The following KIFC1 variants were observed in gnomAD, a reference collection of about 807,000 sequenced individuals.
KIFC1 encodes kinesin-like protein KIFC1.
A neutral mutation model predicts 66.6 loss-of-function variants in KIFC1; 37 were observed. The ratio of observed to expected loss-of-function variants is 0.56; its 90% CI spans 0.43 to 0.73. KIFC1 has a LOEUF of 0.73. KIFC1 is among the 30% of genes least tolerant of loss of function. The pLI is 0.00. For synonymous variants in KIFC1, 325 were observed against 343.5 expected (o/e 0.95, Z 0.60); for missense variants, 721 against 859.8 (o/e 0.84, Z 2.02).
At position 33,405,672 on chromosome 6, in the gene KIFC1, G is replaced by A. The variant is rs1775611602; in HGVS notation, c.1536+41G>A. On this transcript the variant is annotated intron_variant, in intron 7 of 10. Coordinates refer to ENST00000428849, the MANE Select transcript of KIFC1 (RefSeq NM_002263.4). The surrounding 1 kb of genome is among the most constrained non-coding windows in gnomAD (Gnocchi z 5.4). ...CACTGGAACTGGGAAATGGGGAGGA[G>A]TGGGCAGGGTGCCACGAGATGGAGG... 1.4e-6 allele frequency: 2 copies of A among 1,463,272 alleles called. No homozygotes were observed. Among genetic ancestry groups the A allele is most frequent in the Non-Finnish European group, 1.8e-6 (2 of 1,109,544 alleles). The allele number at this position is 1,463,272 out of a possible 1,614,324, so 90.6% of individuals were successfully genotyped here.
In KIFC1 at chr6:33,409,714, T is replaced by TGTGTG; in HGVS notation, c.*25_*29dup. The TGTGTG allele has an allele frequency of 1.3e-6, 1 of 774,196 alleles. No homozygotes were observed. Among genetic ancestry groups the TGTGTG allele is most frequent in the East Asian group, 3.5e-5 (1 of 28,244 alleles). 48.0% of individuals were successfully genotyped at this position (774,196 alleles called of 1,614,324 possible). On this transcript the variant is annotated 3_prime_UTR_variant, in exon 11 of 11. Coordinates refer to ENST00000428849, the MANE Select transcript of KIFC1 (RefSeq NM_002263.4). Reference sequence around the variant, plus strand: ...GAAGACGGATCCAGATCTGTGTGTGTGTGTGTGTGTGTGTGTGTGTGTGTG... The same window carrying TGTGTG: ...GAAGACGGATCCAGATCTGTGTGTGTGTGTGGTGTGTGTGTGTGTGTGTGTGTGTG...
Position 33,409,654 on chromosome 6 carries a change from G to C in KIFC1, c.1986G>C (p.Gln662His). The change falls in exon 11 of 11, where the codon CAG becomes CAC. Residue 662 changes from glutamine to histidine, a missense_variant. Gln to His is a conservative substitution (Grantham distance 24). Coordinates refer to ENST00000428849, the MANE Select transcript of KIFC1 (RefSeq NM_002263.4). ...NSLRFASKVNQCVIGTAQANR... is the reference protein window; with the variant it reads ...NSLRFASKVNHCVIGTAQANR... ...TAACCCCCTGCCCCCAGGTGAACCA[G>C]TGTGTTATTGGTACTGCTCAGGCCA... 6.2e-7 allele frequency: 1 copy of C among 1,613,142 alleles called. No homozygotes were observed. Among genetic ancestry groups the C allele is most frequent in the Non-Finnish European group, 8.5e-7 (1 of 1,179,726 alleles).
chr6:33,408,991 AC>A (rs1775776585), intron 10 of KIFC1, among the ~76,000 whole-genome samples: 4 of 151,946 alleles, frequency 2.6e-5, no homozygotes, highest in Non-Finnish European at 5.9e-5. Context: ...ACACGGTGAA[AC>A]CCCGTCTCTA....
rs757367487 is a variant in KIFC1 at position 33,409,735 on chromosome 6, G to A, written c.*45G>A. The stretch of plus-strand genomic sequence containing the variant: ...TGTGTGTGTGTGTGTGTGTGTGTGT[G>A]TGTGTGTGTGTGTGTGTGTCCCTAT... On this transcript the variant is annotated 3_prime_UTR_variant, in exon 11 of 11. Transcript: ENST00000428849. 4.4e-6 allele frequency: 6 copies of A among 1,362,110 alleles called. No individual in the cohort carries two copies. Among genetic ancestry groups the A allele is most frequent in the African/African-American group, 1.4e-5 (1 of 70,748 alleles). The allele number at this position is 1,362,110 out of a possible 1,614,324, so 84.4% of individuals were successfully genotyped here.
Position 33,406,053 on chromosome 6 carries a change from T to G in KIFC1, c.1537-143T>G, listed in dbSNP as rs367634845. ...CTATTCTATGTATTCCTTACCATTT[T>G]CAGACATACTGTGCATCTTATTTTG... On this transcript the variant is annotated intron_variant, in intron 7 of 10. Coordinates refer to ENST00000428849, the MANE Select transcript of KIFC1 (RefSeq NM_002263.4). The surrounding 1 kb of genome is among the most constrained non-coding windows in gnomAD (Gnocchi z 4.5). 5.2e-6 allele frequency: 4 copies of G among 762,144 alleles called. No individual in the cohort carries two copies. The East Asian group carries it at 1.1e-4, about 20-fold the overall frequency. 47.2% of individuals were successfully genotyped at this position (762,144 alleles called of 1,614,324 possible). A position where few individuals can be genotyped will look rare whatever the true frequency, so the allele number is the denominator to read the frequency against.
At chr6:33,408,639 T>G (rs1775760281) in intron 10 of KIFC1, among the ~76,000 whole-genome samples, 1 of 152,256 alleles carries the variant, frequency 6.6e-6, no homozygotes, top group Admixed American at 6.5e-5. Context: ...TTATTGATTT[T>G]CAGTATTGAG....
Position 33,405,061 on chromosome 6 carries a change from G to C in KIFC1, c.966G>C (p.Pro322=), listed in dbSNP as rs116903030. The change falls in exon 7 of 11, where the codon CCG becomes CCC. Residue 322 remains proline, a synonymous_variant. Coordinates refer to ENST00000428849, the MANE Select transcript of KIFC1 (RefSeq NM_002263.4). The surrounding 1 kb of genome is among the most constrained non-coding windows in gnomAD (Gnocchi z 5.4). The part of the protein sequence containing the change: ...RVFCRVRPVL[P]GEPTPPPGLL... ...TCTGCCGGGTCCGCCCTGTCCTGCCGGGGGAGCCCACTCCACCCCCTGGCC... is the reference window on the plus strand; with the variant it reads ...TCTGCCGGGTCCGCCCTGTCCTGCCCGGGGAGCCCACTCCACCCCCTGGCC... The C allele has an allele frequency of 5.4e-4, 873 of 1,614,016 alleles. 5 individuals carry two copies. The East Asian group carries it at 9.2e-3, about 17-fold the overall frequency.
In KIFC1 at chr6:33,405,416, C is replaced by T; in HGVS notation, c.1321C>T (p.Leu441Phe). ...GCTGATCCCTCGGGCCCTGCGGCAC[C>T]TCTTCTCTGTGGCTCAGGAGCTGAG... is the stretch of plus-strand genomic sequence containing the variant. Reference protein sequence around the residue: ...EGLIPRALRHLFSVAQELSGQ... With the variant: ...EGLIPRALRHFFSVAQELSGQ... The change falls in exon 7 of 11, where the codon CTC (leucine) becomes TTC (phenylalanine). Residue 441 changes from leucine to phenylalanine, a missense_variant. Transcript: ENST00000428849. The surrounding 1 kb of genome is among the most constrained non-coding windows in gnomAD (Gnocchi z 5.4). 3 of 1,604,816 alleles carry T rather than the reference C, an allele frequency of 1.9e-6. No individual in the cohort carries two copies. The highest frequency in any genetic ancestry group is 2.6e-6 in the Non-Finnish European group (3 of 1,174,070).
intron 3 of KIFC1, among the ~76,000 whole-genome samples, chr6:33,399,776 C>G (rs529674666): frequency 1.2e-3 from 187 of 152,298 alleles, no homozygotes; most frequent in Admixed American, 2.7e-3. Flanking sequence ...GGAAGTTGCT[C>G]TGGGTGAGTT....
intron 1 of KIFC1, among the ~76,000 whole-genome samples, chr6:33,394,263 A>G (rs1774926419): frequency 6.6e-6 from 1 of 152,220 alleles, no homozygotes; most frequent in Admixed American, 6.5e-5. Context: ...GCAGTGGAAG[A>G]AACAGTAAAA....
At chr6:33,397,879 C>G (rs1280983677) in intron 1 of KIFC1, 150 bp from the exon 2 acceptor site, 4 of 798,632 alleles carry the variant, frequency 5.0e-6, no homozygotes, top group Non-Finnish European at 4.1e-6. Flanking sequence ...CACTTCTGTT[C>G]ATGCTGTCTG....
Position 33,406,122 on chromosome 6 carries a change from C to T in KIFC1, c.1537-74C>T. On this transcript the variant is annotated intron_variant, in intron 7 of 10. Coordinates refer to ENST00000428849, the MANE Select transcript of KIFC1 (RefSeq NM_002263.4). The surrounding 1 kb of genome is among the most constrained non-coding windows in gnomAD (Gnocchi z 4.5). Reference sequence around the variant, plus strand: ...AGCTTCAAGAGGGTGGGGGTGGGCTCTTATTCATTTCCATACATATTACTA... The same window carrying T: ...AGCTTCAAGAGGGTGGGGGTGGGCTTTTATTCATTTCCATACATATTACTA... The T allele has an allele frequency of 7.2e-7, 1 of 1,396,778 alleles. No homozygotes were observed. The highest frequency in any genetic ancestry group is 9.8e-7 in the Non-Finnish European group (1 of 1,024,538). The allele number at this position is 1,396,778 out of a possible 1,614,324, so 86.5% of individuals were successfully genotyped here.
At position 33,405,273 on chromosome 6, in the gene KIFC1, T is replaced by G. The variant is rs775453425; in HGVS notation, c.1178T>G (p.Met393Arg). ...GATGAAGTGTTTGAAGAGATTGCCA[T>G]GCTTGTCCAGTCAGCCCTGGATGGC... ...GQDEVFEEIA[M>R]LVQSALDGYP... Residue 393 changes from methionine (M) to arginine (R), a missense_variant, in exon 7 of 11, where the codon ATG (methionine) becomes AGG (arginine). Coordinates refer to ENST00000428849, the MANE Select transcript of KIFC1 (RefSeq NM_002263.4). This position sits in a 1 kb window ranked among gnomAD's most constrained non-coding sequence, Gnocchi z 5.4. 4 of 1,614,208 alleles carry G rather than the reference T, an allele frequency of 2.5e-6. No individual in the cohort carries two copies. Among genetic ancestry groups the G allele is most frequent in the Non-Finnish European group, 3.4e-6 (4 of 1,180,040 alleles).
rs1214023514 is a variant in KIFC1, at chr6:33,405,249, A to G, written c.1154A>G (p.Asp385Gly). ...GTATTCCCACCAGGAAGTGGACAGGATGAAGTGTTTGAAGAGATTGCCATG... is the reference window on the plus strand; with the variant it reads ...GTATTCCCACCAGGAAGTGGACAGGGTGAAGTGTTTGAAGAGATTGCCATG... ...DRVFPPGSGQ[D>G]EVFEEIAMLV... Residue 385 changes from aspartate to glycine, a missense_variant, in exon 7 of 11, where the codon GAT becomes GGT. Transcript: ENST00000428849. This position sits in a 1 kb window ranked among gnomAD's most constrained non-coding sequence, Gnocchi z 5.4. 10 of 1,614,060 alleles carry G rather than the reference A, an allele frequency of 6.2e-6. No homozygotes were observed. The highest frequency in any genetic ancestry group is 8.5e-6 in the Non-Finnish European group (10 of 1,180,032).
chr6:33,402,298 C>G (rs1346205094), intron 3 of KIFC1, among the ~76,000 whole-genome samples: 2 of 152,126 alleles, frequency 1.3e-5, no homozygotes, highest in African/African-American at 2.4e-5. Flanking sequence ...ATTTTTAGCT[C>G]CATTATAATG....
At chr6:33,407,059 C>A (rs184756783) in intron 10 of KIFC1, 184 bp downstream of exon 10, 9 of 1,400,858 alleles carry the variant, frequency 6.4e-6, no homozygotes, top group Admixed American at 3.1e-5. Context: ...TTTTAAAAAA[C>A]GGGTGATTAA....
intron 10 of KIFC1, chr6:33,407,225 A>C (rs142289445): frequency 8.6e-4 from 341 of 394,956 alleles, no homozygotes; most frequent in Non-Finnish European, 1.3e-3. Flanking sequence ...TCTGGGCAAC[A>C]TAGTGAGACC....
At chr6:33,395,261 G>A (rs1034315815) in intron 1 of KIFC1, among the ~76,000 whole-genome samples, 1 of 152,198 alleles carries the variant, frequency 6.6e-6, no homozygotes, top group Non-Finnish European at 1.5e-5. Flanking sequence ...GGAAAGCAGA[G>A]TTCAGATTCT....
At position 33,398,038 on chromosome 6, in the gene KIFC1, C is replaced by A; in HGVS notation, c.22C>A (p.Leu8Ile). ...TCTCTTTTCCCAACAGAGGTCCCCC[C>A]TATTGGAAGTAAAGGGGAACATAGA... The part of the protein sequence containing the change: MDPQRSP[L>I]LEVKGNIELK... The change falls in exon 2 of 11, where the codon CTA (leucine) becomes ATA (isoleucine). Residue 8 changes from leucine to isoleucine, a missense_variant. Transcript: ENST00000428849. 1 of 1,613,988 alleles carries A rather than the reference C, an allele frequency of 6.2e-7. No homozygotes were observed. The highest frequency in any genetic ancestry group is 8.5e-7 in the Non-Finnish European group (1 of 1,179,992).
Sources: gnomAD v4.1 joint callset for allele counts (sites outside exome capture counted in the v4.1 genomes callset) on GRCh38, gnomAD v4.1.1 for gene constraint, Gnocchi (gnomAD v3.1) non-coding constraint, MANE v1.5 for transcripts, NCBI Gene and HGNC (gene_info 2026-07-23, HGNC 2026-07-21) for gene names.